The following LOXHD1 variants were observed in gnomAD, a reference collection of about 807,000 sequenced individuals.
LOXHD1 encodes the protein lipoxygenase homology domain-containing protein 1.
Under a neutral mutation model 248.2 loss-of-function variants are expected in LOXHD1, and 205 were observed. That is an observed-to-expected ratio of 0.83 (90% confidence interval 0.74 to 0.93). LOXHD1 has a LOEUF of 0.93. Ranked by LOEUF, LOXHD1 falls within the 40% of genes least tolerant of loss-of-function variation. LOXHD1 has a pLI of 0.00. For missense variants in LOXHD1, 2,930 were observed against 2,971.6 expected (o/e 0.99, Z 0.33); for synonymous variants, 1,113 against 1,162.8 (o/e 0.96, Z 0.87).
At chr18:46,498,985 A>G (rs986019876) in intron 37 of LOXHD1, among the ~76,000 whole-genome samples, 4 of 152,212 alleles carry the variant, frequency 2.6e-5, no homozygotes, top group African/African-American at 9.6e-5. Context: ...AAAGGATAGA[A>G]TTCTGGACCC....
intron 36 of LOXHD1, 47 bp downstream of exon 36, chr18:46,507,491 G>T: frequency 6.5e-7 from 1 of 1,548,082 alleles, no homozygotes; most frequent in South Asian, 1.2e-5. Flanking sequence ...CGAATTTGAC[G>T]GTTGGAGTGG....
At chr18:46,543,282 T>C (rs1421776237) in intron 23 of LOXHD1, among the ~76,000 whole-genome samples, 1 of 152,248 alleles carries the variant, frequency 6.6e-6, no homozygotes. Context: ...GGTTTCTCCA[T>C]TCCTGAGTTA....
rs373350974 is a variant in LOXHD1, at chr18:46,641,943, G to A, written c.326+13C>T. 4.1e-5 allele frequency: 63 copies of A among 1,550,060 alleles called. No homozygotes were observed. Among genetic ancestry groups the A allele is most frequent in the African/African-American group, 1.2e-4 (9 of 73,112 alleles). ...TCTCCACCCTCAATCCTAGTCAGGC[G>A]CCAGCTTCTCACCTGACTTTATAGA... On this transcript the variant is annotated intron_variant, in intron 3 of 40. Coordinates refer to ENST00000642948, the MANE Select transcript of LOXHD1 (RefSeq NM_001384474.1).
intron 37 of LOXHD1, among the ~76,000 whole-genome samples, chr18:46,492,379 G>A (rs2033548824): frequency 6.6e-6 from 1 of 152,220 alleles, no homozygotes; most frequent in Non-Finnish European, 1.5e-5. Flanking sequence ...GAGGCCTCAG[G>A]AAACTTACAA....
At chr18:46,554,834 G>T (rs1159453518) in intron 21 of LOXHD1, among the ~76,000 whole-genome samples, 1 of 152,148 alleles carries the variant, frequency 6.6e-6, no homozygotes, top group Non-Finnish European at 1.5e-5. Flanking sequence ...CATTACTGAG[G>T]TACATAAACA....
chr18:46,540,307 G>A (rs1303373072), intron 25 of LOXHD1, among the ~76,000 whole-genome samples: 1 of 152,198 alleles, frequency 6.6e-6, no homozygotes, highest in East Asian at 1.9e-4. Flanking sequence ...GCAACAGAAA[G>A]AGACAGCCCA....
At chr18:46,478,415 C>T (rs2032229601) in intron 40 of LOXHD1, among the ~76,000 whole-genome samples, 1 of 152,138 alleles carries the variant, frequency 6.6e-6, no homozygotes, top group Non-Finnish European at 1.5e-5. Flanking sequence ...ATCTGCCCTC[C>T]TGCTACTTGG....
At chr18:46,489,262 G>T in intron 37 of LOXHD1, 120 bp from the exon 38 acceptor site, 1 of 1,035,038 alleles carries the variant, frequency 9.7e-7, no homozygotes, top group East Asian at 2.6e-5. Flanking sequence ...TCCTCTTTGG[G>T]CCTTGATCTC....
chr18:46,559,809 C>T (rs891676453), intron 19 of LOXHD1, among the ~76,000 whole-genome samples: 9 of 152,194 alleles, frequency 5.9e-5, no homozygotes, highest in African/African-American at 2.2e-4. Flanking sequence ...CTCATGACCC[C>T]TCAGTCAGTT....
Position 46,517,720 on chromosome 18 carries a change from T to C in LOXHD1, c.5399+409A>G, listed in dbSNP as rs1321802782. ...TTTTATTTTGTAATCATTTGAGACT[T>C]ACAGAAAAGTTGCAAAAATAGAATA... On this transcript the variant is annotated intron_variant, in intron 34 of 40. Coordinates refer to ENST00000642948, the MANE Select transcript of LOXHD1 (RefSeq NM_001384474.1). Among the ~76,000 whole-genome samples, 29 of 152,208 alleles carry C rather than the reference T, an allele frequency of 1.9e-4. 1 individual carries two copies. Among genetic ancestry groups the C allele is most frequent in the Admixed American group, 1.8e-3 (27 of 15,288 alleles).
Position 46,524,505 on chromosome 18 carries a change from C to T in LOXHD1, c.4837G>A (p.Val1613Met). 1 of 1,551,744 alleles carries T rather than the reference C, an allele frequency of 6.4e-7. No individual in the cohort carries two copies. Among genetic ancestry groups the T allele is most frequent in the Non-Finnish European group, 8.7e-7 (1 of 1,147,006 alleles). ...ACGTAGTCAGCCATGGGCCCGGTCA[C>T]TGTGCTGATGTCGACATCGGCCATC... ...SKMADVDIST[V>M]TGPMADYVQE... Residue 1613 changes from valine to methionine, a missense_variant, in exon 31 of 41, where the codon GTG becomes ATG. Val to Met is a conservative substitution (Grantham distance 21). Transcript: ENST00000642948.
intron 4 of LOXHD1, among the ~76,000 whole-genome samples, chr18:46,636,341 G>C (rs2038892326): frequency 6.6e-6 from 1 of 152,218 alleles, no homozygotes; most frequent in Admixed American, 6.5e-5. Flanking sequence ...GTGCCCCCCA[G>C]CTCACCTTCT....
intron 26 of LOXHD1, among the ~76,000 whole-genome samples, chr18:46,534,848 C>T (rs2036238021): frequency 6.6e-6 from 1 of 152,188 alleles, no homozygotes; most frequent in African/African-American, 2.4e-5. Context: ...TTATTCAAGG[C>T]CCCAGGCCCC....
chr18:46,489,314 G>T (rs1366388591), intron 37 of LOXHD1, among the ~76,000 whole-genome samples, 172 bp from the exon 38 acceptor site: 1 of 152,092 alleles, frequency 6.6e-6, no homozygotes, highest in African/African-American at 2.4e-5. Context: ...GGTCTCAGAG[G>T]GTTCCTCCAG....
chr18:46,569,779 T>G, intron 15 of LOXHD1, 141 bp from the exon 16 acceptor site: 1 of 663,066 alleles, frequency 1.5e-6, no homozygotes, highest in South Asian at 2.2e-5. Flanking sequence ...CAGGCTCCTG[T>G]TCTAAGCAGC....
At position 46,591,984 on chromosome 18, in the gene LOXHD1, T is replaced by A. The variant is rs1223577399; in HGVS notation, c.1603A>T (p.Ile535Leu). 1.3e-6 allele frequency: 2 copies of A among 1,552,094 alleles called. No individual in the cohort carries two copies. The highest frequency in any genetic ancestry group is 3.9e-5 in the Admixed American group (2 of 51,008). The change falls in exon 12 of 41, where the codon ATA becomes TTA. Residue 535 changes from isoleucine to leucine, a missense_variant. Physicochemically the swap from Ile to Leu is conservative, Grantham distance 5. Transcript: ENST00000642948. ...CCTTCTGCAGTCATTTCCCTCACTA[T>A]CTCATTGTCATCCTCATTGGCATCC... Reference protein sequence around the residue: ...WLDANEDDNEIVREMTAEGPT... With the variant: ...WLDANEDDNELVREMTAEGPT...
intron 22 of LOXHD1, among the ~76,000 whole-genome samples, chr18:46,546,313 C>T (rs2036825521): frequency 1.3e-5 from 2 of 152,030 alleles, no homozygotes; most frequent in East Asian, 1.9e-4. Context: ...CATTCTACTC[C>T]ACTCCACTCC....
chr18:46,557,805 G>A, intron 20 of LOXHD1: 1 of 1,230,004 alleles, frequency 8.1e-7, no homozygotes, highest in African/African-American at 1.5e-5. Context: ...TCTGTGGTGG[G>A]TGTTTTGTGT....
chr18:46,518,280 C>T, intron 33 of LOXHD1, 24 bp from the exon 34 acceptor site: 1 of 1,549,182 alleles, frequency 6.5e-7, no homozygotes, highest in South Asian at 1.2e-5. Context: ...AATGCAGGTG[C>T]TGAGTCTCAG....
Sources: gnomAD v4.1 joint callset for allele counts (sites outside exome capture counted in the v4.1 genomes callset) on GRCh38, gnomAD v4.1.1 for gene constraint, MANE v1.5 for transcripts, NCBI Gene and HGNC (gene_info 2026-07-23, HGNC 2026-07-21) for gene names.